Variants in GPATCH2 observed in about 807,000 individuals in gnomAD.
The protein encoded by GPATCH2 is G patch domain-containing protein 2.
Under a neutral mutation model 58.0 loss-of-function variants are expected in GPATCH2, and 51 were observed. That is an observed-to-expected ratio of 0.88 (90% CI 0.70 to 1.11). GPATCH2 has a LOEUF of 1.11. Ranked by LOEUF, GPATCH2 falls within the 50% of genes most tolerant of loss-of-function variation. The pLI, the probability that GPATCH2 is intolerant of heterozygous loss-of-function variation, is 0.00. For synonymous variants in GPATCH2, 222 were observed against 218.5 expected (o/e 1.02, Z -0.14); for missense variants, 625 against 652.2 (o/e 0.96, Z 0.45).
At chr1:217,437,254 C>CA (rs906487703) in intron 9 of GPATCH2, among the ~76,000 whole-genome samples, 2 of 152,180 alleles carry the variant, frequency 1.3e-5, no homozygotes, top group African/African-American at 4.8e-5. Flanking sequence ...TGAGATCCCC[C>CA]CGGGTGCCTA....
rs954995704 is a variant in GPATCH2, at chr1:217,427,033, G to A, written c.*4112C>T. On this transcript the variant is annotated 3_prime_UTR_variant, in exon 10 of 10. Transcript: ENST00000366935. ...ATAAGTTTAATCAACATAGTGAAAT[G>A]CCTCTTACAGCAAACAAAACTCAAC... The A allele has an allele frequency of 6.6e-6, 1 of 151,476 alleles. No individual in the cohort carries two copies. The highest frequency in any genetic ancestry group is 2.4e-5 in the African/African-American group (1 of 41,268). The allele number at this position is 151,476 out of a possible 1,614,324, so 9.4% of individuals were successfully genotyped here. A position where few individuals can be genotyped will look rare whatever the true frequency, so the allele number is the denominator to read the frequency against.
intron 5 of GPATCH2, among the ~76,000 whole-genome samples, chr1:217,583,990 A>G (rs1403559522): frequency 6.6e-6 from 1 of 152,130 alleles, no homozygotes; most frequent in African/African-American, 2.4e-5. Context: ...TATCTGTTTT[A>G]GATTTTCACC....
chr1:217,558,969 C>T (rs1230984498), intron 5 of GPATCH2, among the ~76,000 whole-genome samples: 5 of 152,010 alleles, frequency 3.3e-5, no homozygotes, highest in Non-Finnish European at 5.9e-5. Flanking sequence ...AGCAAATATC[C>T]CCCTTCAGGC....
In GPATCH2 at chr1:217,561,977, C is replaced by T. The variant is rs1665950633; in HGVS notation, c.1099-47088G>A. Reference sequence around the variant, plus strand: ...ACTGGAATTTCAAGGAAGAATATCTCTCTTCAATCAGGCATGCCAAGTTCT... The same window carrying T: ...ACTGGAATTTCAAGGAAGAATATCTTTCTTCAATCAGGCATGCCAAGTTCT... On this transcript the variant is annotated intron_variant, in intron 5 of 9. Coordinates refer to ENST00000366935, the MANE Select transcript of GPATCH2 (RefSeq NM_018040.5). Among the ~76,000 whole-genome samples the T allele has an allele frequency of 2.0e-5, 3 of 152,280 alleles. No individual in the cohort carries two copies. The South Asian group carries it at 6.2e-4, about 32-fold the overall frequency.
At chr1:217,457,954 G>T (rs1367694955) in intron 8 of GPATCH2, among the ~76,000 whole-genome samples, 1 of 152,090 alleles carries the variant, frequency 6.6e-6, no homozygotes, top group Non-Finnish European at 1.5e-5. Flanking sequence ...TTGGCCGGGC[G>T]CGGTGGCTCA....
chr1:217,504,725 C>A (rs534302727), intron 6 of GPATCH2, among the ~76,000 whole-genome samples: 20 of 152,276 alleles, frequency 1.3e-4, no homozygotes, highest in Admixed American at 3.3e-4. Flanking sequence ...GTATTTTTAA[C>A]CATATACTTC....
At chr1:217,627,277 A>C (rs914890489) in intron 1 of GPATCH2, among the ~76,000 whole-genome samples, 2 of 152,062 alleles carry the variant, frequency 1.3e-5, no homozygotes, top group East Asian at 1.9e-4. Flanking sequence ...TCTGCTTTTA[A>C]GATATAACCA....
intron 6 of GPATCH2, among the ~76,000 whole-genome samples, chr1:217,504,115 C>T (rs551880538): frequency 2.6e-5 from 4 of 152,184 alleles, no homozygotes; most frequent in Admixed American, 6.5e-5. Flanking sequence ...CTAATTCAAG[C>T]GCCAAAGTCC....
intron 7 of GPATCH2, among the ~76,000 whole-genome samples, chr1:217,493,372 T>C (rs1661844081): frequency 6.6e-6 from 1 of 152,194 alleles, no homozygotes. Context: ...CTAAATTATA[T>C]ATCCTAGCCA....
At chr1:217,589,415 A>G (rs978538692) in intron 5 of GPATCH2, among the ~76,000 whole-genome samples, 1 of 152,132 alleles carries the variant, frequency 6.6e-6, no homozygotes, top group African/African-American at 2.4e-5. Context: ...CTTTTCCAAG[A>G]CTGCTCTCAA....
intron 5 of GPATCH2, among the ~76,000 whole-genome samples, chr1:217,606,484 GC>G (rs972633093): frequency 9.9e-5 from 15 of 152,258 alleles, no homozygotes; most frequent in Admixed American, 2.0e-4. Flanking sequence ...CAAGCCAGTT[GC>G]GGTGCTTCAC....
At chr1:217,555,876 A>C (rs978338548) in intron 5 of GPATCH2, among the ~76,000 whole-genome samples, 2 of 152,166 alleles carry the variant, frequency 1.3e-5, no homozygotes, top group African/African-American at 4.8e-5. Context: ...GGTACGGATT[A>C]ATACTACACA....
chr1:217,436,459 C>T (rs974570146), intron 9 of GPATCH2, among the ~76,000 whole-genome samples: 1 of 152,114 alleles, frequency 6.6e-6, no homozygotes, highest in African/African-American at 2.4e-5. Context: ...AAGCTTACTC[C>T]AAAAGCCTAC....
chr1:217,545,740 G>C (rs1242694247), intron 5 of GPATCH2, among the ~76,000 whole-genome samples: 1 of 152,160 alleles, frequency 6.6e-6, no homozygotes, highest in Non-Finnish European at 1.5e-5. Context: ...GGGATGATGA[G>C]AGGCCCTGAT....
At chr1:217,527,104 T>C (rs1362009287) in intron 5 of GPATCH2, among the ~76,000 whole-genome samples, 1 of 151,790 alleles carries the variant, frequency 6.6e-6, no homozygotes, top group Non-Finnish European at 1.5e-5. Context: ...TATTTCATTA[T>C]GTATTACAAT....
chr1:217,449,959 T>A (rs1305488323), intron 8 of GPATCH2, among the ~76,000 whole-genome samples: 1 of 152,174 alleles, frequency 6.6e-6, no homozygotes, highest in Admixed American at 6.5e-5. Flanking sequence ...AAAAACATGA[T>A]ATATAAAAAC....
chr1:217,488,699 AT>A (rs1009340035), intron 8 of GPATCH2, among the ~76,000 whole-genome samples: 175 of 148,870 alleles, frequency 1.2e-3, no homozygotes, highest in African/African-American at 3.6e-3. Context: ...TTAAAAAACT[AT>A]TTTTTTTTTG....
At chr1:217,583,595 A>G (rs1228149340) in intron 5 of GPATCH2, among the ~76,000 whole-genome samples, 1 of 149,744 alleles carries the variant, frequency 6.7e-6, no homozygotes, top group African/African-American at 2.5e-5. Flanking sequence ...AAAAAAAGAT[A>G]GAAGACTAAT....
intron 8 of GPATCH2, among the ~76,000 whole-genome samples, chr1:217,487,829 G>A (rs768247616): frequency 1.1e-4 from 16 of 152,004 alleles, no homozygotes; most frequent in East Asian, 1.9e-4. Flanking sequence ...TGCAATCTCC[G>A]ACTCCTGGGT....
Sources: gnomAD v4.1 joint callset for allele counts (sites outside exome capture counted in the v4.1 genomes callset) on GRCh38, gnomAD v4.1.1 for gene constraint, MANE v1.5 for transcripts, NCBI Gene and HGNC (gene_info 2026-07-23, HGNC 2026-07-21) for gene names.